CLEC6A: variants seen among roughly 807,000 people sequenced by gnomAD.
CLEC6A encodes the protein C-type lectin domain family 6 member A.
Under a neutral mutation model 25.7 loss-of-function variants are expected in CLEC6A, and 22 were observed. That is an observed-to-expected ratio of 0.85 (90% CI 0.61 to 1.22). The LOEUF (loss-of-function observed/expected upper bound fraction) is 1.22, where lower values mean the gene tolerates loss of function less well. Among genes scored for constraint, CLEC6A ranks in the 50% most tolerant of loss-of-function variants. The pLI is 0.00. For missense variants in CLEC6A, 240 were observed against 236.8 expected (o/e 1.01, Z -0.09); for synonymous variants, 92 against 76.7 (o/e 1.20, Z -1.04).
rs1201902281 is a variant in CLEC6A at position 8,460,713 on chromosome 12, G to A, written c.223+1015G>A. Reference sequence around the variant, plus strand: ...GGGTCCGCTGCTGGCAGTACCGCCAGCTCTCTGCTCTCCACAGGGCTCCCC... The same window carrying A: ...GGGTCCGCTGCTGGCAGTACCGCCAACTCTCTGCTCTCCACAGGGCTCCCC... On this transcript the variant is annotated intron_variant, in intron 3 of 5. Coordinates refer to ENST00000382073, the MANE Select transcript of CLEC6A (RefSeq NM_001007033.2). 4.1e-6 allele frequency: 6 copies of A among 1,476,462 alleles called. No homozygotes were observed. The East Asian group carries it at 6.8e-5, about 17-fold the overall frequency. The allele number at this position is 1,476,462 out of a possible 1,614,324, so 91.5% of individuals were successfully genotyped here. A position where few individuals can be genotyped will look rare whatever the true frequency, so the allele number is the denominator to read the frequency against.
At chr12:8,458,892 T>C (rs10743396) in intron 2 of CLEC6A, among the ~76,000 whole-genome samples, 112,158 of 151,990 alleles carry the variant, frequency 0.74, 42,077 homozygotes, top group East Asian at 0.99. Context: ...TCAGATCAGA[T>C]CCTGAGAGAT....
At chr12:8,460,927 G>A in intron 3 of CLEC6A, 1 of 849,704 alleles carries the variant, frequency 1.2e-6, no homozygotes, top group Non-Finnish European at 2.0e-6. Context: ...TGTTGCAGAG[G>A]AGCGAGCTGG....
chr12:8,471,208 T>A (rs1022586026), intron 4 of CLEC6A, among the ~76,000 whole-genome samples: 4 of 152,020 alleles, frequency 2.6e-5, no homozygotes, highest in Non-Finnish European at 5.9e-5. Flanking sequence ...CTGCTGAGAG[T>A]TTTTATATCA....
chr12:8,461,282 C>G lies in CLEC6A; in HGVS notation c.223+1584C>G, dbSNP rs964767722. On this transcript the variant is annotated intron_variant, in intron 3 of 5. Coordinates refer to ENST00000382073, the MANE Select transcript of CLEC6A (RefSeq NM_001007033.2). ...TACCTAATAAGCAATTTAGGACAGT[C>G]AAAAAAAAACAAGAAAAGAAAAGAA... The G allele has an allele frequency of 6.2e-6, 3 of 487,624 alleles. No homozygotes were observed. The East Asian group carries it at 9.9e-5, about 16-fold the overall frequency. The allele number at this position is 487,624 out of a possible 1,614,324, so 30.2% of individuals were successfully genotyped here.
At chr12:8,475,953 G>A (rs1047235988) in intron 4 of CLEC6A, among the ~76,000 whole-genome samples, 172 bp from the exon 5 acceptor site, 3 of 152,166 alleles carry the variant, frequency 2.0e-5, no homozygotes, top group African/African-American at 7.2e-5. Flanking sequence ...TTTCTTCCCT[G>A]TAATGATATT....
chr12:8,469,122 T>A (rs1939872937), intron 4 of CLEC6A, among the ~76,000 whole-genome samples: 1 of 152,186 alleles, frequency 6.6e-6, no homozygotes, highest in African/African-American at 2.4e-5. Flanking sequence ...CACAAATCAG[T>A]AGCTCTGCTA....
chr12:8,466,210 C>T (rs1377458919), intron 4 of CLEC6A, among the ~76,000 whole-genome samples: 4 of 152,042 alleles, frequency 2.6e-5, no homozygotes, highest in Admixed American at 6.5e-5. Context: ...TATCTATTAC[C>T]TCATATATTT....
chr12:8,472,087 A>C (rs1939912844), intron 4 of CLEC6A, among the ~76,000 whole-genome samples: 1 of 152,088 alleles, frequency 6.6e-6, no homozygotes, highest in South Asian at 2.1e-4. Flanking sequence ...AAAAACACCT[A>C]TTCTAGTGTT....
At chr12:8,458,920 G>A (rs1207955542) in intron 2 of CLEC6A, among the ~76,000 whole-genome samples, 1 of 152,162 alleles carries the variant, frequency 6.6e-6, no homozygotes, top group Non-Finnish European at 1.5e-5. Flanking sequence ...CTTGCTGAAA[G>A]TGAACATTAA....
In CLEC6A at chr12:8,473,096, C is replaced by T. The variant is rs1468022078; in HGVS notation, c.370-3029C>T. On this transcript the variant is annotated intron_variant, in intron 4 of 5. Transcript: ENST00000382073. ...CTGCAAGCTCCGCCTCCCGGGTTCA[C>T]GCCATTCTCCTGCCTCAGCCTCCTG... Among the ~76,000 whole-genome samples, 2 of 10,246 alleles carry T rather than the reference C, an allele frequency of 2.0e-4. 1 individual carries two copies. Among genetic ancestry groups the T allele is most frequent in the Non-Finnish European group, 5.5e-4 (2 of 3,654 alleles). The allele number at this position is 10,246 out of a possible 152,430, so 6.7% of individuals were successfully genotyped here.
chr12:8,474,645 C>G lies in CLEC6A; in HGVS notation c.370-1480C>G, dbSNP rs1939946644. Among the ~76,000 whole-genome samples the G allele has an allele frequency of 3.3e-5, 5 of 152,126 alleles. No homozygotes were observed. In the South Asian group the frequency reaches 1.0e-3, roughly 31 times the overall value. On this transcript the variant is annotated intron_variant, in intron 4 of 5. Transcript: ENST00000382073. ...GGAATATTAGGTTATGTCAGGAAGC[C>G]TCGGGGCAATACACAACAAATACTT...
At chr12:8,474,981 C>G (rs1456571136) in intron 4 of CLEC6A, among the ~76,000 whole-genome samples, 1 of 151,858 alleles carries the variant, frequency 6.6e-6, no homozygotes, top group Admixed American at 6.6e-5. Flanking sequence ...TTTGCTGCAC[C>G]CATTAACTCA....
At chr12:8,465,021 C>T (rs1159764416) in intron 3 of CLEC6A, among the ~76,000 whole-genome samples, 2 of 152,166 alleles carry the variant, frequency 1.3e-5, no homozygotes, top group Non-Finnish European at 2.9e-5. Context: ...TGAATTTGCT[C>T]AAAGACATAC....
Position 8,477,306 on chromosome 12 carries a change from T to G in CLEC6A, c.486-14T>G, listed in dbSNP as rs1939988318. ...TTCTTTGAAGATGTGTACTACCTTT[T>G]TGTTTTCCTTTAGATTTTGGCACCT... is the stretch of plus-strand genomic sequence containing the variant. On this transcript the variant is annotated splice_polypyrimidine_tract_variant and intron_variant, in intron 5 of 5. Transcript: ENST00000382073. 2 of 1,600,974 alleles carry G rather than the reference T, an allele frequency of 1.2e-6. No individual in the cohort carries two copies. The highest frequency in any genetic ancestry group is 2.2e-5 in the South Asian group (2 of 88,962).
intron 1 of CLEC6A, among the ~76,000 whole-genome samples, chr12:8,457,321 A>T (rs1939690966): frequency 6.6e-6 from 1 of 152,150 alleles, no homozygotes; most frequent in Non-Finnish European, 1.5e-5. Flanking sequence ...CAGAATATGC[A>T]ATGTTTGTCT....
At chr12:8,456,262 T>C in intron 1 of CLEC6A, 120 bp downstream of exon 1, 1 of 880,760 alleles carries the variant, frequency 1.1e-6, no homozygotes, top group Non-Finnish European at 1.8e-6. Flanking sequence ...TATAGTAGAC[T>C]CAAAGGAATT....
At chr12:8,471,733 A>G (rs2136364814) in intron 4 of CLEC6A, among the ~76,000 whole-genome samples, 1 of 152,134 alleles carries the variant, frequency 6.6e-6, no homozygotes, top group Non-Finnish European at 1.5e-5. Context: ...GCTCCCACTT[A>G]TTATGGTGGT....
At position 8,476,148 on chromosome 12, in the gene CLEC6A, T is replaced by G. The variant is rs781135039; in HGVS notation, c.393T>G (p.Asn131Lys). 1.9e-6 allele frequency: 3 copies of G among 1,609,648 alleles called. No individual in the cohort carries two copies. The highest frequency in any genetic ancestry group is 1.1e-5 in the South Asian group (1 of 90,912). ...AGAATTTCATTGTCCAGCAGCTGAA[T>G]GAGTCATTTTCTTATTTTCTGGGGC... ...AEQNFIVQQL[N>K]ESFSYFLGLS... is the part of the protein sequence containing the mutation. The change falls in exon 5 of 6, where the codon AAT becomes AAG. Residue 131 changes from asparagine to lysine, a missense_variant. Coordinates refer to ENST00000382073, the MANE Select transcript of CLEC6A (RefSeq NM_001007033.2).
chr12:8,459,530 A>G, intron 2 of CLEC6A, 67 bp from the exon 3 acceptor site: 1 of 1,002,108 alleles, frequency 1.0e-6, no homozygotes, highest in South Asian at 1.3e-5. Context: ...AGCACTGTAC[A>G]GATATAGAGC....
Sources: gnomAD v4.1 joint callset for allele counts (sites outside exome capture counted in the v4.1 genomes callset) on GRCh38, gnomAD v4.1.1 for gene constraint, MANE v1.5 for transcripts, NCBI Gene and HGNC (gene_info 2026-07-23, HGNC 2026-07-21) for gene names.